Variants in TRAPPC1 observed in about 807,000 individuals in gnomAD.
The protein encoded by TRAPPC1 is trafficking protein particle complex subunit 1, also known as BET5 homolog.
TRAPPC1 carries 10 observed loss-of-function variants against 17.2 expected under a neutral mutation model. That is an observed-to-expected ratio of 0.58 (90% confidence interval 0.36 to 0.99). The LOEUF (loss-of-function observed/expected upper bound fraction) is 0.99, where lower values mean the gene tolerates loss of function less well. Ranked by LOEUF, TRAPPC1 falls within the 50% of genes least tolerant of loss-of-function variation. The pLI is 0.01. For missense variants in TRAPPC1, 163 were observed against 184.4 expected (o/e 0.88, Z 0.67); for synonymous variants, 85 against 74.5 (o/e 1.14, Z -0.72).
rs143123022 is a variant in TRAPPC1 at position 7,930,851 on chromosome 17, C to T, written c.310-117G>A. On this transcript the variant is annotated intron_variant, in intron 3 of 3. Transcript: ENST00000303731. ...AAGGAATAAGGGCTGGAAGGCAAGC[C>T]CTCTCTGAGGAGAAAGTGGTGGTGG... 6.6e-6 allele frequency: 10 copies of T among 1,511,250 alleles called. No homozygotes were observed. The East Asian group carries it at 1.6e-4, about 24-fold the overall frequency. 93.6% of individuals were successfully genotyped at this position (1,511,250 alleles called of 1,614,324 possible). A position where few individuals can be genotyped will look rare whatever the true frequency, so the allele number is the denominator to read the frequency against.
In TRAPPC1 at chr17:7,930,475, G is replaced by T; in HGVS notation, c.*131C>A. 1 of 1,145,000 alleles carries T rather than the reference G, an allele frequency of 8.7e-7. No homozygotes were observed. Among genetic ancestry groups the T allele is most frequent in the African/African-American group, 1.5e-5 (1 of 65,848 alleles). 70.9% of individuals were successfully genotyped at this position (1,145,000 alleles called of 1,614,324 possible). ...ACTCTGGTAGGAGGAGAGCATCAGG[G>T]CAGGCCTTTAGGCTGTTGCTCTGGG... On this transcript the variant is annotated 3_prime_UTR_variant, in exon 4 of 4. Transcript: ENST00000303731.
At chr17:7,930,842 A>T in intron 3 of TRAPPC1, 108 bp from the exon 4 acceptor site, 1 of 1,514,800 alleles carries the variant, frequency 6.6e-7, no homozygotes, top group Non-Finnish European at 8.9e-7. Flanking sequence ...TAAGGGCTGG[A>T]AGGCAAGCCC....
intron 3 of TRAPPC1, 21 bp downstream of exon 3, chr17:7,930,990 G>A: frequency 2.5e-6 from 4 of 1,612,668 alleles, no homozygotes; most frequent in Non-Finnish European, 3.4e-6. Flanking sequence ...TGGGGGATGG[G>A]TCCCTGGGGC....
intron 2 of TRAPPC1, 168 bp from the exon 3 acceptor site, chr17:7,931,317 C>T: frequency 9.4e-7 from 1 of 1,068,124 alleles, no homozygotes; most frequent in Non-Finnish European, 1.3e-6. Context: ...CCCCCACCAA[C>T]TTCTCTACTT....
chr17:7,931,160 G>T lies in TRAPPC1; in HGVS notation c.171-11C>A, dbSNP rs1360902618. 1 of 1,613,546 alleles carries T rather than the reference G, an allele frequency of 6.2e-7. No individual in the cohort carries two copies. Among genetic ancestry groups the T allele is most frequent in the Non-Finnish European group, 8.5e-7 (1 of 1,179,768 alleles). ...AGGAAGCCATCCTTCCTGCAGAGAT[G>T]AGGAGGGTGTTAAAGAATGGGAGCA... is the stretch of plus-strand genomic sequence containing the variant. On this transcript the variant is annotated splice_polypyrimidine_tract_variant and intron_variant, in intron 2 of 3. Coordinates refer to ENST00000303731, the MANE Select transcript of TRAPPC1 (RefSeq NM_021210.5).
chr17:7,931,444 TCCC>T (rs1307562876), intron 2 of TRAPPC1, 59 bp downstream of exon 2: 1 of 1,546,138 alleles, frequency 6.5e-7, no homozygotes, highest in African/African-American at 1.4e-5. Flanking sequence ...TCAGAAAGTT[TCCC>T]CCATCCCCAA....
intron 2 of TRAPPC1, 102 bp from the exon 3 acceptor site, chr17:7,931,251 C>G: frequency 7.1e-7 from 1 of 1,411,354 alleles, no homozygotes; most frequent in Non-Finnish European, 9.6e-7. Flanking sequence ...CTAAACATAT[C>G]CTTTGTAGAA....
chr17:7,931,848 G>C lies in TRAPPC1; in HGVS notation c.-19C>G. On this transcript the variant is annotated 5_prime_UTR_variant, in exon 1 of 4. Transcript: ENST00000303731. Reference sequence around the variant, plus strand: ...CAGTCATCTGCAGGGCAGGGAGTGTGAGCCTCGCTCCGGGGCCGCCCCCAC... The same window carrying C: ...CAGTCATCTGCAGGGCAGGGAGTGTCAGCCTCGCTCCGGGGCCGCCCCCAC... The C allele has an allele frequency of 6.2e-7, 1 of 1,607,190 alleles. No individual in the cohort carries two copies. Among genetic ancestry groups the C allele is most frequent in the Non-Finnish European group, 8.5e-7 (1 of 1,173,692 alleles).
In TRAPPC1 at chr17:7,930,600, G is replaced by A; in HGVS notation, c.*6C>T. The A allele has an allele frequency of 1.2e-6, 2 of 1,614,034 alleles. No homozygotes were observed. Among genetic ancestry groups the A allele is most frequent in the Non-Finnish European group, 1.7e-6 (2 of 1,180,012 alleles). On this transcript the variant is annotated 3_prime_UTR_variant, in exon 4 of 4. Transcript: ENST00000303731. ...TGAATTCTCCTGAGACTTGAGGTAG[G>A]TTGCTTCAGCCAGCCCGGGCGGAGA...
In TRAPPC1 at chr17:7,930,662, A is replaced by T; in HGVS notation, c.382T>A (p.Ser128Thr). 1 of 1,614,172 alleles carries T rather than the reference A, an allele frequency of 6.2e-7. No individual in the cohort carries two copies. The highest frequency in any genetic ancestry group is 8.5e-7 in the Non-Finnish European group (1 of 1,180,020). Residue 128 changes from serine (S) to threonine (T), a missense_variant, in exon 4 of 4, where the codon TCC becomes ACC. By Grantham distance (58) the Ser-to-Thr change is moderately conservative. Coordinates refer to ENST00000303731, the MANE Select transcript of TRAPPC1 (RefSeq NM_021210.5). ...GQTVQSELFR[S>T]RLDSYVRSLP... is the part of the protein sequence containing the mutation. ...GAGCGAACATAGGAGTCCAGTCGGG[A>T]GCGAAAGAGCTCACTTTGCACAGTT...
chr17:7,931,623 G>T, intron 1 of TRAPPC1, 47 bp from the exon 2 acceptor site: 2 of 814,982 alleles, frequency 2.5e-6, no homozygotes, highest in South Asian at 1.3e-5. Context: ...GCGGGAGATG[G>T]GGTGGGGGGT....
chr17:7,931,607 G>T, intron 1 of TRAPPC1, 31 bp from the exon 2 acceptor site: 1 of 1,278,054 alleles, frequency 7.8e-7, no homozygotes, highest in Non-Finnish European at 1.1e-6. Flanking sequence ...TTAGCTCTCG[G>T]TTGATGCGGG....
chr17:7,931,779 G>C lies in TRAPPC1; in HGVS notation c.51C>G (p.His17Gln). The change falls in exon 1 of 4, where the codon CAC (histidine) becomes CAG (glutamine). Residue 17 changes from histidine (H) to glutamine (Q), a missense_variant. Physicochemically the swap from His to Gln is conservative, Grantham distance 24 (BLOSUM62 0). Transcript: ENST00000303731. ...GCTTCTTGCGGTGCCATTCGCTGTA[G>C]TGCAGACACACTCCATTCCGGTCAA... ...YLFDRNGVCL[H>Q]YSEWHRKKQA... 6.2e-7 allele frequency: 1 copy of C among 1,614,178 alleles called. No homozygotes were observed.
intron 2 of TRAPPC1, 151 bp downstream of exon 2, chr17:7,931,355 C>G: frequency 9.7e-7 from 1 of 1,033,584 alleles, no homozygotes; most frequent in Non-Finnish European, 1.4e-6. Context: ...CCACTCCTGC[C>G]AGCTCCAGCA....
Position 7,930,439 on chromosome 17 carries a change from C to T in TRAPPC1, c.*167G>A, listed in dbSNP as rs1330704742. ...GGCCTGGTGTGGAGGTGGAGGGACT[C>T]TGTGGGCTTCACTCTGGTAGGAGGA... On this transcript the variant is annotated 3_prime_UTR_variant, in exon 4 of 4. Transcript: ENST00000303731. 9 of 762,452 alleles carry T rather than the reference C, an allele frequency of 1.2e-5. No homozygotes were observed. The highest frequency in any genetic ancestry group is 1.9e-5 in the Non-Finnish European group (9 of 471,192). 47.2% of individuals were successfully genotyped at this position (762,452 alleles called of 1,614,324 possible).
chr17:7,931,134 C>G lies in TRAPPC1; in HGVS notation c.186G>C (p.Leu62=), dbSNP rs1327433839. 5.6e-6 allele frequency: 9 copies of G among 1,613,946 alleles called. No homozygotes were observed. In the East Asian group the frequency reaches 2.0e-4, roughly 36 times the overall value. Residue 62 remains leucine, a synonymous_variant, in exon 3 of 4, where the codon CTG becomes CTC. Transcript: ENST00000303731. ...GTTTGTAACGGCTAGTTTGGAAGGC[C>G]AGGAAGCCATCCTTCCTGCAGAGAT... The part of the protein sequence containing the change: ...MSPLDMKDGF[L]AFQTSRYKLH...
rs1016390038 is a variant in TRAPPC1 at position 7,931,768 on chromosome 17, C to T, written c.62G>A (p.Trp21Ter). 1 of 1,614,058 alleles carries T rather than the reference C, an allele frequency of 6.2e-7. No individual in the cohort carries two copies. Among genetic ancestry groups the T allele is most frequent in the Non-Finnish European group, 8.5e-7 (1 of 1,180,038 alleles). ...AATCCCTGCTTGCTTCTTGCGGTGC[C>T]ATTCGCTGTAGTGCAGACACACTCC... ...RNGVCLHYSE[W>*]HRKKQAGIPK... Residue 21 changes from tryptophan to a stop codon, truncating the protein, a stop_gained, in exon 1 of 4, where the codon TGG (tryptophan) becomes TAG (stop). Coordinates refer to ENST00000303731, the MANE Select transcript of TRAPPC1 (RefSeq NM_021210.5). LOFTEE classifies it high-confidence loss of function.
At chr17:7,931,996 C>T (rs1347956878), upstream of TRAPPC1, 2 of 637,864 alleles carry the variant, frequency 3.1e-6, no homozygotes, top group South Asian at 1.8e-5. Flanking sequence ...GAGCTCCGCC[C>T]CTTAGGGGGG....
rs781018592 is a variant in TRAPPC1, at chr17:7,930,616, C to T, written c.428G>A (p.Arg143Gln). Reference sequence around the variant, plus strand: ...TTGAGGTAGGTTGCTTCAGCCAGCCCGGGCGGAGAAGAAGGGCAGAGAGCG... The same window carrying T: ...TTGAGGTAGGTTGCTTCAGCCAGCCTGGGCGGAGAAGAAGGGCAGAGAGCG... ...YVRSLPFFSA[R>Q]AG The change falls in exon 4 of 4, where the codon CGG becomes CAG. Residue 143 changes from arginine to glutamine, a missense_variant. Arg to Gln is a conservative substitution (Grantham distance 43). Transcript: ENST00000303731. 2.5e-6 allele frequency: 4 copies of T among 1,614,046 alleles called. No homozygotes were observed. Among genetic ancestry groups the T allele is most frequent in the Non-Finnish European group, 3.4e-6 (4 of 1,179,984 alleles).
Sources: allele counts gnomAD v4.1 joint callset, GRCh38; gene constraint gnomAD v4.1.1; transcripts MANE v1.5; gene names NCBI Gene and HGNC (gene_info 2026-07-23, HGNC 2026-07-21).